The following ADAMTS17 variants were observed in gnomAD, a reference collection of about 807,000 sequenced individuals.
The protein encoded by ADAMTS17 is A disintegrin and metalloproteinase with thrombospondin motifs 17.
Under a neutral mutation model 141.5 loss-of-function variants are expected in ADAMTS17, and 113 were observed. That is an observed-to-expected ratio of 0.80 (90% CI 0.69 to 0.93). The LOEUF (loss-of-function observed/expected upper bound fraction) is 0.93. Ranked by LOEUF, ADAMTS17 falls within the 40% of genes least tolerant of loss-of-function variation. The pLI is 0.00. For synonymous variants in ADAMTS17, 768 were observed against 630.6 expected (o/e 1.22, Z -3.27); for missense variants, 1,659 against 1,517.9 (o/e 1.09, Z -1.54).
At chr15:100,254,652 T>C (rs1301069407) in intron 6 of ADAMTS17, among the ~76,000 whole-genome samples, 1 of 152,184 alleles carries the variant, frequency 6.6e-6, no homozygotes, top group Non-Finnish European at 1.5e-5. Flanking sequence ...TGTATTCCTC[T>C]ACTATGCAGC....
chr15:100,031,314 C>T (rs2030142798), intron 18 of ADAMTS17, among the ~76,000 whole-genome samples: 2 of 152,214 alleles, frequency 1.3e-5, no homozygotes, highest in African/African-American at 4.8e-5. Flanking sequence ...CTTGCTATTG[C>T]TTCCAACTTT....
chr15:100,286,868 G>A (rs543456727), intron 3 of ADAMTS17, among the ~76,000 whole-genome samples: 17 of 152,278 alleles, frequency 1.1e-4, no homozygotes, highest in African/African-American at 3.9e-4. Flanking sequence ...GGAGAAAGTT[G>A]AAACCCAATC....
At chr15:100,233,293 G>A (rs1223850592) in intron 7 of ADAMTS17, among the ~76,000 whole-genome samples, 1 of 150,790 alleles carries the variant, frequency 6.6e-6, no homozygotes, top group Non-Finnish European at 1.5e-5. Flanking sequence ...TTGCGCTATG[G>A]CACTCCAGCC....
chr15:100,319,603 C>T (rs542751743), intron 3 of ADAMTS17, among the ~76,000 whole-genome samples: 44 of 152,204 alleles, frequency 2.9e-4, no homozygotes, highest in African/African-American at 7.2e-4. Flanking sequence ...CCCGGCTACT[C>T]GGAGGCTGAG....
chr15:100,180,566 T>C (rs1057193593), intron 8 of ADAMTS17, among the ~76,000 whole-genome samples: 3 of 152,220 alleles, frequency 2.0e-5, no homozygotes, highest in African/African-American at 7.2e-5. Flanking sequence ...ATGTCATTGA[T>C]ATTTTGATAG....
chr15:99,975,879 A>AT lies in ADAMTS17; in HGVS notation c.3127+165dup, dbSNP rs11463271. Reference sequence around the variant, plus strand: ...CACCACTTCCATAACAAGGAATGGAATCCATCTCTGAAACCTCTTCTACAG... The same window carrying AT: ...CACCACTTCCATAACAAGGAATGGAATTCCATCTCTGAAACCTCTTCTACAG... On this transcript the variant is annotated intron_variant, in intron 21 of 21. Transcript: ENST00000268070. 0.67 allele frequency among the ~76,000 whole-genome samples: 102,211 copies of AT among 152,088 alleles called. 34,662 individuals are homozygous for AT. The highest frequency in any genetic ancestry group is 0.71 in the Non-Finnish European group (48,448 of 67,968).
Position 100,154,180 on chromosome 15 carries a change from C to T in ADAMTS17, c.1322+1000G>A, listed in dbSNP as rs188866730. Among the ~76,000 whole-genome samples the T allele has an allele frequency of 3.9e-5, 6 of 152,276 alleles. No individual in the cohort carries two copies. In the East Asian group the frequency reaches 1.2e-3, roughly 29 times the overall value. ...TGGGAGACAGAGTGAGACTCCATCT[C>T]AAGAAACAAACAAACAAACCCAACC... On this transcript the variant is annotated intron_variant, in intron 9 of 21. Transcript: ENST00000268070.
Position 100,188,490 on chromosome 15 carries a change from C to T in ADAMTS17, c.1181+10828G>A, listed in dbSNP as rs547960119. Among the ~76,000 whole-genome samples the T allele has an allele frequency of 1.4e-4, 22 of 152,220 alleles. No individual in the cohort carries two copies. The South Asian group carries it at 2.5e-3, about 17-fold the overall frequency. ...TTCTTCAGTGTTTCTGACAGTTTTG[C>T]GGCTTCCTTCCATATTCTACGTGGA... On this transcript the variant is annotated intron_variant, in intron 8 of 21. Coordinates refer to ENST00000268070, the MANE Select transcript of ADAMTS17 (RefSeq NM_139057.4).
intron 4 of ADAMTS17, among the ~76,000 whole-genome samples, chr15:100,269,955 C>A (rs2043847566): frequency 6.6e-6 from 1 of 152,218 alleles, no homozygotes; most frequent in South Asian, 2.1e-4. Context: ...CCAACCAATA[C>A]AAGAAGGGCC....
intron 4 of ADAMTS17, among the ~76,000 whole-genome samples, chr15:100,277,317 T>A (rs920407581): frequency 4.3e-4 from 65 of 152,040 alleles, no homozygotes; most frequent in Non-Finnish European, 8.4e-4. Flanking sequence ...ACAGAGCCCT[T>A]CAGTCTTTAC....
At chr15:100,306,580 G>A (rs938956016) in intron 3 of ADAMTS17, 2 of 456,048 alleles carry the variant, frequency 4.4e-6, no homozygotes, top group South Asian at 1.5e-5. Context: ...CTGTGGAACT[G>A]AGAAAAGCTA....
intron 10 of ADAMTS17, among the ~76,000 whole-genome samples, chr15:100,142,431 C>G (rs1469678276): frequency 1.3e-5 from 2 of 152,132 alleles, no homozygotes; most frequent in Non-Finnish European, 2.9e-5. Flanking sequence ...AAGGGACAGG[C>G]CCATGTGATC....
chr15:100,095,252 C>G (rs755722082), intron 15 of ADAMTS17, among the ~76,000 whole-genome samples: 23 of 152,192 alleles, frequency 1.5e-4, no homozygotes, highest in Non-Finnish European at 2.9e-4. Context: ...TCTTTAAAAT[C>G]CACCTGAAAT....
At chr15:100,260,155 T>C (rs985990816) in intron 6 of ADAMTS17, among the ~76,000 whole-genome samples, 12 of 152,108 alleles carry the variant, frequency 7.9e-5, no homozygotes, top group African/African-American at 2.7e-4. Flanking sequence ...TATTCTGGGA[T>C]TTTTGAAAGG....
chr15:100,116,147 A>ACC (rs576369565), intron 13 of ADAMTS17, among the ~76,000 whole-genome samples: 1 of 146,580 alleles, frequency 6.8e-6, no homozygotes, highest in African/African-American at 2.6e-5. Flanking sequence ...AAAAAAAAAA[A>ACC]AAAAAAAAAA....
intron 18 of ADAMTS17, among the ~76,000 whole-genome samples, chr15:100,003,197 C>A (rs2141370148): frequency 6.6e-6 from 1 of 152,250 alleles, no homozygotes; most frequent in East Asian, 1.9e-4. Context: ...CCATGGGTCC[C>A]ACACCAGGCA....
At chr15:100,314,989 G>T (rs1458327528) in intron 3 of ADAMTS17, among the ~76,000 whole-genome samples, 1 of 152,222 alleles carries the variant, frequency 6.6e-6, no homozygotes, top group Non-Finnish European at 1.5e-5. Context: ...CAAGGAGTGA[G>T]GGGTCCTTAT....
At chr15:100,084,314 G>C (rs998922640) in intron 15 of ADAMTS17, among the ~76,000 whole-genome samples, 3 of 152,188 alleles carry the variant, frequency 2.0e-5, no homozygotes, top group Admixed American at 6.5e-5. Context: ...CGCCATTGCC[G>C]AGGCTTGAGT....
rs914396316 is a variant in ADAMTS17, at chr15:100,154,520, C to T, written c.1322+660G>A. The stretch of plus-strand genomic sequence containing the variant: ...GTCTCCCAGGGTGCATGAATTCACA[C>T]GGCTAAGTAGCTCAGTGACCAGGGC... On this transcript the variant is annotated intron_variant, in intron 9 of 21. Transcript: ENST00000268070. Among the ~76,000 whole-genome samples, 16 of 152,270 alleles carry T rather than the reference C, an allele frequency of 1.1e-4. 1 individual carries two copies. Among genetic ancestry groups the T allele is most frequent in the Admixed American group, 7.8e-4 (12 of 15,302 alleles).
Sources: allele counts gnomAD v4.1 joint callset (sites outside exome capture counted in the v4.1 genomes callset), GRCh38; gene constraint gnomAD v4.1.1; transcripts MANE v1.5; gene names NCBI Gene and HGNC (gene_info 2026-07-23, HGNC 2026-07-21).